The following PPARG variants were observed in gnomAD, a reference collection of about 807,000 sequenced individuals.
The protein encoded by PPARG is peroxisome proliferator-activated receptor gamma.
Under a neutral mutation model 39.2 loss-of-function variants are expected in PPARG, and 17 were observed. The observed-to-expected ratio is 0.43, with a 90% CI of 0.30 to 0.65. PPARG has a LOEUF of 0.65. Among genes scored for constraint, PPARG ranks in the 30% least tolerant of loss-of-function variants. The pLI is 0.13. For synonymous variants in PPARG, 223 were observed against 215.7 expected (o/e 1.03, Z -0.30); for missense variants, 406 against 585.9 (o/e 0.69, Z 3.17).
chr3:12,403,149 C>T (rs1289397166), intron 5 of PPARG, among the ~76,000 whole-genome samples: 1 of 151,650 alleles, frequency 6.6e-6, no homozygotes. Flanking sequence ...AAAAATTAGC[C>T]AGGCGTGGTG....
At chr3:12,372,003 A>G in intron 2 of PPARG, 1 of 717,006 alleles carries the variant, frequency 1.4e-6, no homozygotes, top group Non-Finnish European at 2.6e-6. Context: ...AGTTATGAGT[A>G]CCATGACATT....
intron 6 of PPARG, among the ~76,000 whole-genome samples, chr3:12,407,928 A>G (rs2125259301): frequency 6.6e-6 from 1 of 152,330 alleles, no homozygotes; most frequent in East Asian, 1.9e-4. Context: ...TTCGAGCCAC[A>G]TGCACCTGAC....
chr3:12,319,517 A>G (rs1487456322), intron 2 of PPARG, among the ~76,000 whole-genome samples: 2 of 152,240 alleles, frequency 1.3e-5, no homozygotes, highest in East Asian at 1.9e-4. Context: ...GCAATCTATT[A>G]TGAATACGTA....
chr3:12,376,499 A>G (rs2125161529), intron 2 of PPARG, among the ~76,000 whole-genome samples: 1 of 152,324 alleles, frequency 6.6e-6, no homozygotes, highest in East Asian at 1.9e-4. Context: ...AGCCTGTTTC[A>G]TCAATGAGAG....
intron 1 of PPARG, among the ~76,000 whole-genome samples, chr3:12,291,992 T>C (rs1270587009): frequency 1.3e-5 from 2 of 152,214 alleles, no homozygotes; most frequent in Non-Finnish European, 2.9e-5. Flanking sequence ...ATTGAGCTGA[T>C]ATTCTGAAAA....
chr3:12,434,216 C>G lies in PPARG; in HGVS notation c.*71C>G. The G allele has an allele frequency of 1.3e-6, 2 of 1,593,168 alleles. No homozygotes were observed. The highest frequency in any genetic ancestry group is 1.1e-5 in the South Asian group (1 of 89,708). On this transcript the variant is annotated 3_prime_UTR_variant, in exon 8 of 8. Coordinates refer to ENST00000651735, the MANE Select transcript of PPARG (RefSeq NM_138711.6). This position sits in a 1 kb window ranked among gnomAD's most constrained non-coding sequence, Gnocchi z 4.2. ...ACTATTCTGAGGGAAAATCTGACAC[C>G]TAAGAAATTTACTGTGAAAAAGCAT...
intron 2 of PPARG, among the ~76,000 whole-genome samples, chr3:12,357,936 C>A (rs2048720013): frequency 6.6e-6 from 1 of 152,092 alleles, no homozygotes; most frequent in Non-Finnish European, 1.5e-5. Context: ...GTCTTGTTGA[C>A]TTATTAATAC....
At chr3:12,384,875 A>C (rs950746482) in intron 4 of PPARG, among the ~76,000 whole-genome samples, 32 of 152,130 alleles carry the variant, frequency 2.1e-4, no homozygotes, top group Admixed American at 6.6e-5. Flanking sequence ...AGTGTGATAA[A>C]TGTCAGTAAA....
chr3:12,345,517 T>C (rs776751732), intron 2 of PPARG, among the ~76,000 whole-genome samples: 1 of 152,230 alleles, frequency 6.6e-6, no homozygotes, highest in Non-Finnish European at 1.5e-5. Flanking sequence ...TTTAATGAGA[T>C]AGAGCATCGT....
intron 2 of PPARG, among the ~76,000 whole-genome samples, chr3:12,350,280 A>G (rs1041675892): frequency 2.0e-5 from 3 of 152,150 alleles, no homozygotes; most frequent in African/African-American, 7.2e-5. Context: ...TTGGGGCTTA[A>G]TGGCACAGTT....
intron 4 of PPARG, among the ~76,000 whole-genome samples, chr3:12,386,033 C>T (rs1042879556): frequency 6.6e-6 from 1 of 152,284 alleles, no homozygotes; most frequent in Admixed American, 6.5e-5. Context: ...ACAATTTTCT[C>T]AGATGGTGAC....
rs1474976112 is a variant in PPARG, at chr3:12,381,418, C to A, written c.317C>A (p.Ala106Glu). 2 of 1,613,418 alleles carry A rather than the reference C, an allele frequency of 1.2e-6. No homozygotes were observed. Among genetic ancestry groups the A allele is most frequent in the South Asian group, 2.2e-5 (2 of 91,040 alleles). Residue 106 changes from alanine to glutamate, a missense_variant, in exon 4 of 8, where the codon GCA becomes GAA. Transcript: ENST00000651735. ...GAAGAGCCTTCCAACTCCCTCATGG[C>A]AATTGAATGTCGTGTCTGTGGAGAT... ...PHEEPSNSLMAIECRVCGDKA... is the reference protein window; with the variant it reads ...PHEEPSNSLMEIECRVCGDKA...
At chr3:12,403,519 AT>A (rs927415313) in intron 5 of PPARG, among the ~76,000 whole-genome samples, 3 of 151,574 alleles carry the variant, frequency 2.0e-5, no homozygotes, top group Admixed American at 6.6e-5. Flanking sequence ...CCAGCTATTT[AT>A]TTTTATTTTT....
chr3:12,399,413 G>C (rs1288840822), intron 5 of PPARG: 1 of 456,298 alleles, frequency 2.2e-6, no homozygotes, highest in Admixed American at 2.4e-5. Context: ...GCACAAGTTG[G>C]TTTTTCTCCC....
chr3:12,327,942 T>G (rs774084094), intron 2 of PPARG: 24 of 681,300 alleles, frequency 3.5e-5, no homozygotes, highest in Non-Finnish European at 5.0e-5. Context: ...TTACAAAATG[T>G]GTGTATGGAA....
chr3:12,333,834 T>C (rs529141902), intron 2 of PPARG, among the ~76,000 whole-genome samples: 2 of 152,320 alleles, frequency 1.3e-5, no homozygotes, highest in African/African-American at 2.4e-5. Context: ...CCTAGCTGCA[T>C]GGTTGCTGTC....
chr3:12,393,071 A>G (rs2050135331), intron 5 of PPARG, among the ~76,000 whole-genome samples: 1 of 152,190 alleles, frequency 6.6e-6, no homozygotes, highest in African/African-American at 2.4e-5. Context: ...ATGCATTAAA[A>G]ACAGAATTAA....
At chr3:12,341,371 G>C (rs532861169) in intron 2 of PPARG, among the ~76,000 whole-genome samples, 85 of 152,304 alleles carry the variant, frequency 5.6e-4, no homozygotes, top group African/African-American at 2.0e-3. Context: ...AAAGAGATGT[G>C]CCTAGGAATG....
intron 7 of PPARG, among the ~76,000 whole-genome samples, chr3:12,420,417 T>G (rs1210152622): frequency 1.3e-5 from 2 of 152,246 alleles, no homozygotes; most frequent in Non-Finnish European, 2.9e-5. Context: ...TACCCAGTCT[T>G]AACAAGAGTG....
Sources: allele counts gnomAD v4.1 joint callset (sites outside exome capture counted in the v4.1 genomes callset), GRCh38; gene constraint gnomAD v4.1.1; non-coding constraint Gnocchi (gnomAD v3.1); transcripts MANE v1.5; gene names NCBI Gene and HGNC (gene_info 2026-07-23, HGNC 2026-07-21).